Variants in NBEAL1 observed in about 807,000 individuals in gnomAD.
NBEAL1 encodes the protein neurobeachin-like protein 1.
In NBEAL1, 273 loss-of-function variants were observed where a neutral mutation model predicts 351.3. That is an observed-to-expected ratio of 0.78 (90% CI 0.70 to 0.86). The LOEUF is 0.86. Among genes scored for constraint, NBEAL1 ranks in the 40% least tolerant of loss-of-function variants. The probability of loss-of-function intolerance (pLI) is 0.00; values close to 1 mark genes in which losing one functional copy is unlikely to be tolerated. For synonymous variants in NBEAL1, 1,050 were observed against 1,086.4 expected (o/e 0.97, Z 0.66); for missense variants, 2,961 against 3,201.3 (o/e 0.92, Z 1.81).
chr2:203,018,220 G>A (rs377322761), intron 2 of NBEAL1, among the ~76,000 whole-genome samples: 1 of 149,608 alleles, frequency 6.7e-6, no homozygotes, highest in East Asian at 2.0e-4. Context: ...CTAGCATTTA[G>A]CCTCTCAAAC....
intron 36 of NBEAL1, among the ~76,000 whole-genome samples, chr2:203,160,270 G>A (rs1298914370): frequency 6.6e-6 from 1 of 151,868 alleles, no homozygotes; most frequent in Non-Finnish European, 1.5e-5. Flanking sequence ...TAGTAGAGAC[G>A]GGATTTTGCC....
intron 33 of NBEAL1, among the ~76,000 whole-genome samples, chr2:203,146,411 GA>G (rs780586029): frequency 3.3e-5 from 5 of 152,000 alleles, no homozygotes; most frequent in Non-Finnish European, 7.4e-5. Flanking sequence ...CCCTCATAGT[GA>G]AATCATAGAA....
In NBEAL1 at chr2:203,092,195, C is replaced by G. The variant is rs546649154; in HGVS notation, c.1099-5352C>G. On this transcript the variant is annotated intron_variant, in intron 10 of 55. Transcript: ENST00000683969. ...AAATAGCAGAAATATGGTTAAGGTT[C>G]TTGATATACATGCAATTTGCTTTTG... is the stretch of plus-strand genomic sequence containing the variant. Among the ~76,000 whole-genome samples the G allele has an allele frequency of 1.2e-4, 18 of 152,120 alleles. No individual in the cohort carries two copies. The East Asian group carries it at 3.5e-3, about 29-fold the overall frequency.
chr2:203,102,540 C>T (rs1331487965), intron 12 of NBEAL1, among the ~76,000 whole-genome samples: 1 of 152,050 alleles, frequency 6.6e-6, no homozygotes, highest in Non-Finnish European at 1.5e-5. Context: ...TTATTGAAAG[C>T]CTTTTCTGTT....
Position 203,068,292 on chromosome 2 carries a change from A to G in NBEAL1, c.516-101A>G, listed in dbSNP as rs1418158985. 7.0e-6 allele frequency: 4 copies of G among 568,786 alleles called. No individual in the cohort carries two copies. In the Admixed American group the frequency reaches 1.3e-4, roughly 19 times the overall value. 35.2% of individuals were successfully genotyped at this position (568,786 alleles called of 1,614,324 possible). A position where few individuals can be genotyped will look rare whatever the true frequency, so the allele number is the denominator to read the frequency against. On this transcript the variant is annotated intron_variant, in intron 6 of 55. Transcript: ENST00000683969. The stretch of plus-strand genomic sequence containing the variant: ...CTAGAGATACATAGTTCAAGACACA[A>G]ATCAAAAGTAATATTAAATTTGTTT...
intron 2 of NBEAL1, among the ~76,000 whole-genome samples, chr2:203,022,050 CAAA>C (rs1212450445): frequency 1.8e-5 from 2 of 109,520 alleles, no homozygotes; most frequent in Admixed American, 9.6e-5. Context: ...GACTCTGTTT[CAAA>C]AAAAAAAAAA....
chr2:203,116,148 A>G, intron 18 of NBEAL1, 78 bp downstream of exon 18: 1 of 960,180 alleles, frequency 1.0e-6, no homozygotes, highest in Non-Finnish European at 1.6e-6. Flanking sequence ...TCCTTTTGTC[A>G]TTTCATTGGG....
Position 203,217,235 on chromosome 2 carries a change from T to G in NBEAL1, c.8071-18T>G. The G allele has an allele frequency of 6.8e-7, 1 of 1,476,072 alleles. No individual in the cohort carries two copies. The highest frequency in any genetic ancestry group is 9.0e-7 in the Non-Finnish European group (1 of 1,106,822). 91.4% of individuals were successfully genotyped at this position (1,476,072 alleles called of 1,614,324 possible). ...TTCTTAATATTTATTCTTCATTTCT[T>G]TGGATTACTTTACACAGATGCGTTC... On this transcript the variant is annotated intron_variant, in intron 55 of 55. Transcript: ENST00000683969.
chr2:203,040,204 C>G (rs2061117410), intron 2 of NBEAL1: 20 of 1,467,818 alleles, frequency 1.4e-5, no homozygotes, highest in Non-Finnish European at 1.8e-5. Context: ...TCAGGCAAAG[C>G]AGGCACTTTT....
intron 41 of NBEAL1, among the ~76,000 whole-genome samples, chr2:203,174,553 A>G (rs549130287): frequency 1.3e-5 from 2 of 152,086 alleles, no homozygotes; most frequent in African/African-American, 4.8e-5. Flanking sequence ...TTGATTCTCT[A>G]TTTTCTAATT....
At chr2:203,058,799 C>T (rs953355761) in intron 6 of NBEAL1, among the ~76,000 whole-genome samples, 4 of 152,060 alleles carry the variant, frequency 2.6e-5, no homozygotes, top group Non-Finnish European at 4.4e-5. Context: ...TGATGCCTGC[C>T]GCAGCATCAC....
At position 203,039,625 on chromosome 2, in the gene NBEAL1, C is replaced by G. The variant is rs560399231; in HGVS notation, c.52-2140C>G. 6.8e-4 allele frequency among the ~76,000 whole-genome samples: 104 copies of G among 152,202 alleles called. 1 individual carries two copies. The highest frequency in any genetic ancestry group is 6.8e-3 in the East Asian group (35 of 5,170). ...GCCAGGCTCGTCTCAAACCCCTGAC[C>G]TCAGGTGATCCGCCTGCCTCGGGCT... On this transcript the variant is annotated intron_variant, in intron 2 of 55. Coordinates refer to ENST00000683969, the MANE Select transcript of NBEAL1 (RefSeq NM_001378026.1).
At chr2:203,190,042 AGGAGAATTG>A (rs2105773233) in intron 45 of NBEAL1, among the ~76,000 whole-genome samples, 1 of 151,774 alleles carries the variant, frequency 6.6e-6, no homozygotes, top group East Asian at 1.9e-4. Context: ...AGGCTGAGGG[AGGAGAATTG>A]TTTGAACCCA....
intron 5 of NBEAL1, among the ~76,000 whole-genome samples, 151 bp downstream of exon 5, chr2:203,056,659 C>A (rs2061407124): frequency 6.6e-6 from 1 of 152,172 alleles, no homozygotes; most frequent in African/African-American, 2.4e-5. Flanking sequence ...CTCTGCCTCC[C>A]AGGTTCAAGT....
At chr2:203,130,580 T>C in intron 25 of NBEAL1, 104 bp downstream of exon 25, 6 of 737,698 alleles carry the variant, frequency 8.1e-6, no homozygotes, top group Non-Finnish European at 1.1e-5. Context: ...TTTATATCTA[T>C]TTCTCTAAGA....
chr2:203,092,519 C>G (rs536095744), intron 10 of NBEAL1, among the ~76,000 whole-genome samples: 8 of 152,126 alleles, frequency 5.3e-5, no homozygotes, highest in African/African-American at 1.9e-4. Context: ...GAGCTGAGAT[C>G]GTGCCACTGC....
intron 35 of NBEAL1, among the ~76,000 whole-genome samples, chr2:203,152,149 G>C (rs1294274302): frequency 6.6e-6 from 1 of 151,094 alleles, no homozygotes; most frequent in Non-Finnish European, 1.5e-5. Context: ...GTAGAGATGG[G>C]GTTTCACCAT....
chr2:203,153,777 T>C (rs763024658), intron 35 of NBEAL1, among the ~76,000 whole-genome samples: 1 of 152,226 alleles, frequency 6.6e-6, no homozygotes. Context: ...TAATAGTTAC[T>C]TAAGGCATAG....
chr2:203,184,513 C>T (rs2064837579), intron 44 of NBEAL1, among the ~76,000 whole-genome samples: 2 of 151,978 alleles, frequency 1.3e-5, no homozygotes, highest in South Asian at 4.1e-4. Context: ...GTTAGTTTAA[C>T]GTTGGTTATT....
Sources: gnomAD v4.1 joint callset for allele counts (sites outside exome capture counted in the v4.1 genomes callset) on GRCh38, gnomAD v4.1.1 for gene constraint, MANE v1.5 for transcripts, NCBI Gene and HGNC (gene_info 2026-07-23, HGNC 2026-07-21) for gene names.